HOXA3: variants seen among roughly 807,000 people sequenced by gnomAD.
HOXA3 encodes the protein homeobox protein Hox-A3.
In HOXA3, 8 loss-of-function variants were observed where a neutral mutation model predicts 30.3. The ratio of observed to expected loss-of-function variants is 0.26; its 90% CI spans 0.15 to 0.48. The LOEUF is 0.48. HOXA3 is among the 20% of genes least tolerant of loss of function. HOXA3 has a pLI of 0.99. For missense variants in HOXA3, 653 were observed against 614.4 expected (o/e 1.06, Z -0.66); for synonymous variants, 323 against 273.1 (o/e 1.18, Z -1.80).
chr7:27,133,555 C>T (rs186927009), intron 2 of HOXA3, among the ~76,000 whole-genome samples: 59 of 152,316 alleles, frequency 3.9e-4, no homozygotes, highest in Non-Finnish European at 7.1e-4. Context: ...TTTCCACGTG[C>T]AGGGATAACA....
rs1784071896 is a variant in HOXA3 at position 27,107,445 on chromosome 7, A to G, written c.*470T>C. The G allele has an allele frequency of 6.5e-6, 1 of 152,730 alleles. No individual in the cohort carries two copies. 9.5% of individuals were successfully genotyped at this position (152,730 alleles called of 1,614,324 possible). A position where few individuals can be genotyped will look rare whatever the true frequency, so the allele number is the denominator to read the frequency against. On this transcript the variant is annotated 3_prime_UTR_variant, in exon 6 of 6. Coordinates refer to ENST00000612286, the MANE Select transcript of HOXA3 (RefSeq NM_153631.3). The stretch of plus-strand genomic sequence containing the variant: ...GACGTACACTTAGTCATCCTTGCAC[A>G]GAGAGCCCCTGTTTCAAAGCGCCTT...
rs1784530650 is a variant in HOXA3 at position 27,113,932 on chromosome 7, C to G, written c.-120-3172G>C. ...CTGCCCTTCCCGAGGGCAGCAGCCG[C>G]GGCCCGGAGATAAGCGCTAGTGCGG... is the stretch of plus-strand genomic sequence containing the variant. On this transcript the variant is annotated intron_variant, in intron 4 of 5. Transcript: ENST00000612286. The surrounding 1 kb of genome is among the most constrained non-coding windows in gnomAD (Gnocchi z 4.8). The G allele has an allele frequency of 6.6e-6, 1 of 151,376 alleles. No homozygotes were observed. The highest frequency in any genetic ancestry group is 2.1e-4 in the South Asian group (1 of 4,792). The allele number at this position is 151,376 out of a possible 1,614,324, so 9.4% of individuals were successfully genotyped here. A position where few individuals can be genotyped will look rare whatever the true frequency, so the allele number is the denominator to read the frequency against.
chr7:27,144,721 G>A (rs1460984402), intron 1 of HOXA3, among the ~76,000 whole-genome samples: 1 of 152,230 alleles, frequency 6.6e-6, no homozygotes, highest in Non-Finnish European at 1.5e-5. Flanking sequence ...TTCCTTGGCA[G>A]TGCCTAGTAT....
chr7:27,139,810 C>A (rs1439463340), intron 2 of HOXA3, among the ~76,000 whole-genome samples: 2 of 152,170 alleles, frequency 1.3e-5, no homozygotes, highest in African/African-American at 4.8e-5. Context: ...TTTTGCACGC[C>A]GGCGGGAGCA....
chr7:27,124,156 G>C (rs985754106), intron 3 of HOXA3: 1 of 152,226 alleles, frequency 6.6e-6, no homozygotes, highest in African/African-American at 2.4e-5. Flanking sequence ...AGACTAATGA[G>C]TCACAGAGAG....
chr7:27,143,662 A>C (rs1782655923), intron 1 of HOXA3: 1 of 1,542,402 alleles, frequency 6.5e-7, no homozygotes, highest in Non-Finnish European at 8.7e-7. Flanking sequence ...GTGCGTCTAT[A>C]GCACCCTTGC....
intron 1 of HOXA3, chr7:27,143,550 G>T: frequency 6.2e-7 from 1 of 1,611,162 alleles, no homozygotes; most frequent in South Asian, 1.1e-5. Context: ...TTATGCAACT[G>T]GTAGTCCGGG....
chr7:27,130,892 C>G, intron 2 of HOXA3: 1 of 728,588 alleles, frequency 1.4e-6, no homozygotes, highest in Non-Finnish European at 2.3e-6. Flanking sequence ...CTCCCGCAGA[C>G]GCCGCCACCA....
In HOXA3 at chr7:27,111,698, C is replaced by T. The variant is rs147206070; in HGVS notation, c.-120-938G>A. On this transcript the variant is annotated intron_variant, in intron 4 of 5. Transcript: ENST00000612286. ...CTCCTGTCTTGGACTTTCTAAGGTG[C>T]TGTTATTCGGGGCAACTATCAAATT... Among the ~76,000 whole-genome samples the T allele has an allele frequency of 2.4e-3, 370 of 152,136 alleles. 1 individual carries two copies. Among genetic ancestry groups the T allele is most frequent in the African/African-American group, 8.4e-3 (350 of 41,480 alleles).
At chr7:27,142,122 C>T (rs758658308) in intron 1 of HOXA3, 2 of 1,597,870 alleles carry the variant, frequency 1.3e-6, no homozygotes, top group African/African-American at 2.7e-5. Flanking sequence ...CCACCAACTC[C>T]TGTCTTCCAA....
At chr7:27,143,699 A>C in intron 1 of HOXA3, 1 of 1,487,368 alleles carries the variant, frequency 6.7e-7, no homozygotes. Flanking sequence ...TATGGAAATG[A>C]CTGGGACATG....
At chr7:27,134,455 G>A (rs1317310496) in intron 2 of HOXA3, among the ~76,000 whole-genome samples, 2 of 152,232 alleles carry the variant, frequency 1.3e-5, no homozygotes, top group Non-Finnish European at 2.9e-5. Flanking sequence ...GACTAGCTAA[G>A]AGGTATCTAT....
Position 27,108,034 on chromosome 7 carries a change from C to T in HOXA3, c.1213G>A (p.Gly405Ser). 6.2e-7 allele frequency: 1 copy of T among 1,612,794 alleles called. No individual in the cohort carries two copies. Among genetic ancestry groups the T allele is most frequent in the Non-Finnish European group, 8.5e-7 (1 of 1,179,222 alleles). ...AMDYGGAGPL[G>S]SGHHHGPGPG... ...CCCGGCCCGTGGTGGTGGCCGCTGCCCAGCGGCCCGGCACCCCCATAGTCC... is the reference window on the plus strand; with the variant it reads ...CCCGGCCCGTGGTGGTGGCCGCTGCTCAGCGGCCCGGCACCCCCATAGTCC... The change falls in exon 6 of 6, where the codon GGC (glycine) becomes AGC (serine). Residue 405 changes from glycine (G) to serine (S), a missense_variant. Coordinates refer to ENST00000612286, the MANE Select transcript of HOXA3 (RefSeq NM_153631.3). The surrounding 1 kb of genome is among the most constrained non-coding windows in gnomAD (Gnocchi z 5.0).
In HOXA3 at chr7:27,113,649, C is replaced by G. The variant is rs1784503118; in HGVS notation, c.-120-2889G>C. The G allele has an allele frequency of 6.6e-6, 1 of 152,284 alleles. No individual in the cohort carries two copies. Among genetic ancestry groups the G allele is most frequent in the Non-Finnish European group, 1.5e-5 (1 of 68,098 alleles). 9.4% of individuals were successfully genotyped at this position (152,284 alleles called of 1,614,324 possible). ...CCTTAACTTCTGACGAGCGCAGGCTCGGGCTCAGGCTCCGACACGGGCTCT... is the reference window on the plus strand; with the variant it reads ...CCTTAACTTCTGACGAGCGCAGGCTGGGGCTCAGGCTCCGACACGGGCTCT... On this transcript the variant is annotated intron_variant, in intron 4 of 5. Coordinates refer to ENST00000612286, the MANE Select transcript of HOXA3 (RefSeq NM_153631.3). This position sits in a 1 kb window ranked among gnomAD's most constrained non-coding sequence, Gnocchi z 4.8.
intron 2 of HOXA3, chr7:27,129,170 AG>A: frequency 9.5e-7 from 1 of 1,052,818 alleles, no homozygotes; most frequent in Non-Finnish European, 1.5e-6. Flanking sequence ...ACGGAGCAGG[AG>A]AAGAGAAGAG....
rs1456977215 is a variant in HOXA3, at chr7:27,145,685, C to T, written c.-493-5499G>A. On this transcript the variant is annotated intron_variant, in intron 1 of 5. Transcript: ENST00000612286. ...ACTCGCCCGCCTTTGCCTCTGAGTC[C>T]TCCCCGCTGGGCTGCGTGGAATTGA... The T allele has an allele frequency of 2.5e-5, 41 of 1,613,946 alleles. 1 individual carries two copies. In the Admixed American group the frequency reaches 6.8e-4, roughly 27 times the overall value.
chr7:27,138,132 TAG>T (rs1785769439), intron 2 of HOXA3, among the ~76,000 whole-genome samples: 1 of 152,218 alleles, frequency 6.6e-6, no homozygotes, highest in Non-Finnish European at 1.5e-5. Context: ...CATACCCATG[TAG>T]AGTTTATATC....
chr7:27,152,226 C>G, intron 1 of HOXA3, 62 bp downstream of exon 1: 1 of 1,147,334 alleles, frequency 8.7e-7, no homozygotes. Flanking sequence ...CCTCTCCCAC[C>G]GCTACCGCCG....
chr7:27,125,627 T>C (rs532010394), intron 3 of HOXA3, among the ~76,000 whole-genome samples: 3 of 152,202 alleles, frequency 2.0e-5, no homozygotes, highest in Admixed American at 6.5e-5. Flanking sequence ...ACAGCAGCAG[T>C]TGAGAAAGGT....
Sources: gnomAD v4.1 joint callset for allele counts (sites outside exome capture counted in the v4.1 genomes callset) on GRCh38, gnomAD v4.1.1 for gene constraint, Gnocchi (gnomAD v3.1) non-coding constraint, MANE v1.5 for transcripts, NCBI Gene and HGNC (gene_info 2026-07-23, HGNC 2026-07-21) for gene names.